The following NOLC1 variants were observed in gnomAD, a reference collection of about 807,000 sequenced individuals.
The protein encoded by NOLC1 is 140 kDa nucleolar phosphoprotein.
In NOLC1, 37 loss-of-function variants were observed where a neutral mutation model predicts 73.4. The ratio of observed to expected loss-of-function variants is 0.50; its 90% CI spans 0.39 to 0.66. The LOEUF (loss-of-function observed/expected upper bound fraction) is 0.66. Ranked by LOEUF, NOLC1 falls within the 30% of genes least tolerant of loss-of-function variation. The pLI, the probability that NOLC1 is intolerant of heterozygous loss-of-function variation, is 0.00. For synonymous variants in NOLC1, 327 were observed against 302.6 expected, an observed-to-expected ratio of 1.08 and a Z score of -0.84; for missense variants, 921 against 838.9, an observed-to-expected ratio of 1.10 and a Z score of -1.21.
Position 102,159,433 on chromosome 10 carries a change from A to G in NOLC1, c.724A>G (p.Thr242Ala), listed in dbSNP as rs758131779. The change falls in exon 7 of 13, where the codon ACT becomes GCT. Residue 242 changes from threonine to alanine, a missense_variant and splice_region_variant. Thr to Ala is a moderately conservative substitution (Grantham distance 58, BLOSUM62 0). Transcript: ENST00000605788. ...GTAATCAATTTTCTTTCTAATGCAG[A>G]CTGTACCTAAAAAGCAAGTTGTGGC... The part of the protein sequence containing the change: ...EEKAAATPKK[T>A]VPKKQVVAKA... 1 of 1,614,130 alleles carries G rather than the reference A, an allele frequency of 6.2e-7. No individual in the cohort carries two copies.
chr10:102,154,806 C>G (rs1475908445), intron 1 of NOLC1, among the ~76,000 whole-genome samples: 1 of 151,952 alleles, frequency 6.6e-6, no homozygotes, highest in African/African-American at 2.4e-5. Context: ...GGATTACAGG[C>G]CCGTGAGCCA....
intron 5 of NOLC1, 128 bp downstream of exon 5, chr10:102,158,342 CTTTTAA>C: frequency 1.7e-6 from 1 of 598,722 alleles, no homozygotes. Flanking sequence ...GATTACTGGT[CTTTTAA>C]TTTTAAAGGT....
At position 102,159,065 on chromosome 10, in the gene NOLC1, CAAAAAAAAA is replaced by C. The variant is rs35183508; in HGVS notation, c.608-107_608-99del. On this transcript the variant is annotated intron_variant, in intron 5 of 12. Coordinates refer to ENST00000605788, the MANE Select transcript of NOLC1 (RefSeq NM_004741.5). ...CAGAGCCAGAGCCAGACTCCGTCTC[CAAAAAAAAA>C]AAAAAAAAAAAAAAAAAAAATGGTG... 863 of 357,678 alleles carry C rather than the reference CAAAAAAAAA, an allele frequency of 2.4e-3. 2 individuals are homozygous for C. The highest frequency in any genetic ancestry group is 0.018 in the East Asian group (382 of 21,412). 22.2% of individuals were successfully genotyped at this position (357,678 alleles called of 1,614,324 possible).
rs1396114257 is a variant in NOLC1 at position 102,162,128 on chromosome 10, CTG to C, written c.1960_1961del (p.Trp654GlyfsTer19). The C allele has an allele frequency of 6.2e-7, 1 of 1,613,936 alleles. No individual in the cohort carries two copies. ...CTTACCAGCGAGGTGCAGCCGGAGA[CTG>C]GGGAGAGCGAGCCAATCAGGTTTTG... Reference protein sequence around the residue: ...FDAKRGAAGDWGERANQVLKF... With the variant: ...FDAKRGAAGDXGERANQVLKF... On this transcript the variant is annotated frameshift_variant, in exon 13 of 13. Transcript: ENST00000605788. LOFTEE classifies it high-confidence loss of function.
intron 1 of NOLC1, among the ~76,000 whole-genome samples, chr10:102,154,944 C>T (rs117872542): frequency 9.5e-4 from 144 of 151,980 alleles, no homozygotes; most frequent in African/African-American, 3.4e-3. Context: ...TAGCATCGAA[C>T]TCCTGGGCTC....
rs1282543881 is a variant in NOLC1, at chr10:102,160,652, G to A, written c.1300G>A (p.Glu434Lys). 2 of 1,613,920 alleles carry A rather than the reference G, an allele frequency of 1.2e-6. No individual in the cohort carries two copies. Among genetic ancestry groups the A allele is most frequent in the Non-Finnish European group, 1.7e-6 (2 of 1,179,966 alleles). ...CAGTGAGGAAGAGAGCAGCTCCAGTGAGGAGGAGAAGACAAAGAAGATGGT... is the reference window on the plus strand; with the variant it reads ...CAGTGAGGAAGAGAGCAGCTCCAGTAAGGAGGAGAAGACAAAGAAGATGGT... ...SSSEEESSSS[E>K]EEKTKKMVAT... Residue 434 changes from glutamate (E) to lysine (K), a missense_variant, in exon 10 of 13, where the codon GAG becomes AAG. Transcript: ENST00000605788.
At chr10:102,162,080 C>T (rs763677784) in intron 12 of NOLC1, 31 bp from the exon 13 acceptor site, 1 of 1,611,144 alleles carries the variant, frequency 6.2e-7, no homozygotes, top group African/African-American at 1.3e-5. Context: ...CATGGTCCTC[C>T]TCTGTGTTAA....
rs2069684404 is a variant in NOLC1, at chr10:102,160,519, T to C, written c.1167T>C (p.Asn389=). The C allele has an allele frequency of 6.2e-7, 1 of 1,614,162 alleles. No homozygotes were observed. Among genetic ancestry groups the C allele is most frequent in the East Asian group, 2.2e-5 (1 of 44,884 alleles). The change falls in exon 10 of 13, where the codon AAT becomes AAC. Residue 389 remains asparagine (N), a synonymous_variant. Transcript: ENST00000605788. ...CTGGTACCACCAAGAATTCTTCAAATAAGCCAGCTGTCACCACCAAGTCAC... is the reference window on the plus strand; with the variant it reads ...CTGGTACCACCAAGAATTCTTCAAACAAGCCAGCTGTCACCACCAAGTCAC... ...KPAGTTKNSS[N]KPAVTTKSPA...
chr10:102,159,660 C>T (rs2069666623), intron 7 of NOLC1, 92 bp downstream of exon 7: 3 of 1,333,096 alleles, frequency 2.3e-6, no homozygotes, highest in Non-Finnish European at 3.1e-6. Flanking sequence ...GCATGAGCGT[C>T]CTCATGACAT....
intron 1 of NOLC1, among the ~76,000 whole-genome samples, chr10:102,152,892 T>G (rs920948853): frequency 1.3e-5 from 2 of 152,222 alleles, no homozygotes; most frequent in Non-Finnish European, 2.9e-5. Context: ...TTTCGTTGGG[T>G]GAGGCAAACC....
rs757601127 is a variant in NOLC1 at position 102,160,857 on chromosome 10, C to T, written c.1505C>T (p.Ala502Val). The T allele has an allele frequency of 1.9e-6, 3 of 1,614,018 alleles. No homozygotes were observed. Among genetic ancestry groups the T allele is most frequent in the East Asian group, 4.5e-5 (2 of 44,894 alleles). ...KKPQKVAGGA[A>V]PSKPASAKKG... The stretch of plus-strand genomic sequence containing the variant: ...CCACAGAAGGTAGCAGGAGGTGCAG[C>T]CCCTTCCAAGCCAGCCTCTGCAAAG... The change falls in exon 10 of 13, where the codon GCC (alanine) becomes GTC (valine). Residue 502 changes from alanine to valine, a missense_variant. Physicochemically the swap from Ala to Val is moderately conservative, Grantham distance 64. Coordinates refer to ENST00000605788, the MANE Select transcript of NOLC1 (RefSeq NM_004741.5).
At chr10:102,155,535 G>A (rs1261217874) in intron 1 of NOLC1, among the ~76,000 whole-genome samples, 1 of 143,942 alleles carries the variant, frequency 6.9e-6, no homozygotes, top group Non-Finnish European at 1.5e-5. Flanking sequence ...TTTTTTTTGA[G>A]ACTTACTCTG....
chr10:102,159,478 G>C lies in NOLC1; in HGVS notation c.769G>C (p.Ala257Pro). 1 of 1,614,198 alleles carries C rather than the reference G, an allele frequency of 6.2e-7. No individual in the cohort carries two copies. Among genetic ancestry groups the C allele is most frequent in the Non-Finnish European group, 8.5e-7 (1 of 1,180,038 alleles). The change falls in exon 7 of 13, where the codon GCT becomes CCT. Residue 257 changes from alanine to proline, a missense_variant. By Grantham distance (27) the Ala-to-Pro change is conservative. Transcript: ENST00000605788. Reference sequence around the variant, plus strand: ...TGTGGCCAAGGCCCCAGTGAAAGCAGCTACCACCCCTACCCGGAAGAGTTC... The same window carrying C: ...TGTGGCCAAGGCCCCAGTGAAAGCACCTACCACCCCTACCCGGAAGAGTTC... ...QVVAKAPVKAATTPTRKSSSS... is the reference protein window; with the variant it reads ...QVVAKAPVKAPTTPTRKSSSS...
intron 10 of NOLC1, 145 bp downstream of exon 10, chr10:102,161,238 C>CA: frequency 6.0e-6 from 4 of 671,200 alleles, no homozygotes; most frequent in South Asian, 2.3e-5. Flanking sequence ...AACTGGTTAC[C>CA]TTTTTTTTTT....
chr10:102,161,932 G>A lies in NOLC1; in HGVS notation c.1941+7G>A. ...CAACTCCTTTGATGCCAAGGTGAGAGAGAGATCTGTGCCATTCTTGGGAGG... is the reference window on the plus strand; with the variant it reads ...CAACTCCTTTGATGCCAAGGTGAGAAAGAGATCTGTGCCATTCTTGGGAGG... On this transcript the variant is annotated splice_region_variant and intron_variant, in intron 12 of 12. Transcript: ENST00000605788. The A allele has an allele frequency of 8.7e-6, 14 of 1,613,690 alleles. No homozygotes were observed. The highest frequency in any genetic ancestry group is 1.2e-5 in the Non-Finnish European group (14 of 1,179,602).
chr10:102,152,456 C>T lies in NOLC1; in HGVS notation c.46C>T (p.Pro16Ser), dbSNP rs769365402. 10 of 1,613,250 alleles carry T rather than the reference C, an allele frequency of 6.2e-6. No individual in the cohort carries two copies. In the East Asian group the frequency reaches 1.3e-4, roughly 22 times the overall value. ...IRRVVPSDLY[P>S]LVLGFLRDNQ... ...CCGCGTGGTTCCCAGCGACCTGTAT[C>T]CCCTCGTGCTCGGCTTCCTGCGCGA... The change falls in exon 1 of 13, where the codon CCC (proline) becomes TCC (serine). Residue 16 changes from proline (P) to serine (S), a missense_variant. Coordinates refer to ENST00000605788, the MANE Select transcript of NOLC1 (RefSeq NM_004741.5).
At position 102,160,279 on chromosome 10, in the gene NOLC1, C is replaced by T. The variant is rs1014582667; in HGVS notation, c.1035C>T (p.Val345=). ...EEKKPPTKAV[V]SKATTKPPPA... ...AGAAACCCCCAACTAAGGCAGTAGT[C>T]TCTAAAGCAACCACTAAACCACCTC... The change falls in exon 9 of 13, where the codon GTC becomes GTT. Residue 345 remains valine, a synonymous_variant. Coordinates refer to ENST00000605788, the MANE Select transcript of NOLC1 (RefSeq NM_004741.5). 14 of 1,614,100 alleles carry T rather than the reference C, an allele frequency of 8.7e-6. No homozygotes were observed. Among genetic ancestry groups the T allele is most frequent in the Non-Finnish European group, 1.1e-5 (13 of 1,180,038 alleles).
rs1400285711 is a variant in NOLC1 at position 102,162,447 on chromosome 10, G to A, written c.*178G>A. On this transcript the variant is annotated 3_prime_UTR_variant, in exon 13 of 13. Coordinates refer to ENST00000605788, the MANE Select transcript of NOLC1 (RefSeq NM_004741.5). ...GGTCCTTTTCTGTGTTCCTAGTTTTGTACAGACTTGTTTTTGAGTGTTGAG... is the reference window on the plus strand; with the variant it reads ...GGTCCTTTTCTGTGTTCCTAGTTTTATACAGACTTGTTTTTGAGTGTTGAG... 7.9e-6 allele frequency: 4 copies of A among 508,038 alleles called. No homozygotes were observed. Among genetic ancestry groups the A allele is most frequent in the Non-Finnish European group, 1.3e-5 (4 of 303,020 alleles). 31.5% of individuals were successfully genotyped at this position (508,038 alleles called of 1,614,324 possible).
Position 102,152,430 on chromosome 10 carries a change from G to T in NOLC1, c.20G>T (p.Arg7Leu), listed in dbSNP as rs2069520673. Reference sequence around the variant, plus strand: ...TGGAGGATGGCGGACGCCGGCATTCGCCGCGTGGTTCCCAGCGACCTGTAT... The same window carrying T: ...TGGAGGATGGCGGACGCCGGCATTCTCCGCGTGGTTCCCAGCGACCTGTAT... Reference protein sequence around the residue: MADAGIRRVVPSDLYPL... With the variant: MADAGILRVVPSDLYPL... Residue 7 changes from arginine to leucine, a missense_variant, in exon 1 of 13, where the codon CGC (arginine) becomes CTC (leucine). By Grantham distance (102) the Arg-to-Leu change is moderately radical (BLOSUM62 -2). Coordinates refer to ENST00000605788, the MANE Select transcript of NOLC1 (RefSeq NM_004741.5). 2.5e-6 allele frequency: 4 copies of T among 1,611,620 alleles called. No homozygotes were observed. In the Admixed American group the frequency reaches 5.0e-5, roughly 20 times the overall value.
Sources: allele counts gnomAD v4.1 joint callset (sites outside exome capture counted in the v4.1 genomes callset), GRCh38; gene constraint gnomAD v4.1.1; transcripts MANE v1.5; gene names NCBI Gene and HGNC (gene_info 2026-07-23, HGNC 2026-07-21).